ASB16: variants seen among roughly 807,000 people sequenced by gnomAD.
The protein encoded by ASB16 is ankyrin repeat and SOCS box containing 16, also known as ankyrin repeat and SOCS box protein 16.
A neutral mutation model predicts 39.1 loss-of-function variants in ASB16; 44 were observed. That is an observed-to-expected ratio of 1.13 (90% CI 0.88 to 1.45). The LOEUF is 1.45. Among genes scored for constraint, ASB16 ranks in the 40% most tolerant of loss-of-function variants. The probability of loss-of-function intolerance (pLI) is 0.00; values close to 1 mark genes in which losing one functional copy is unlikely to be tolerated. For synonymous variants in ASB16, 305 were observed against 286.7 expected (o/e 1.06, Z -0.64); for missense variants, 698 against 634.5 (o/e 1.10, Z -1.07).
At chr17:44,177,947 T>A (rs2054324430) in intron 4 of ASB16, 1 of 685,050 alleles carries the variant, frequency 1.5e-6, no homozygotes. Flanking sequence ...GACATTTATC[T>A]GGCATCTCTT....
Position 44,178,214 on chromosome 17 carries a change from G to A in ASB16, c.1186G>A (p.Ala396Thr), listed in dbSNP as rs1419238332. 2 of 1,613,052 alleles carry A rather than the reference G, an allele frequency of 1.2e-6. No homozygotes were observed. Among genetic ancestry groups the A allele is most frequent in the African/African-American group, 1.3e-5 (1 of 74,908 alleles). The change falls in exon 5 of 5, where the codon GCC (alanine) becomes ACC (threonine). Residue 396 changes from alanine (A) to threonine (T), a missense_variant. Coordinates refer to ENST00000293414, the MANE Select transcript of ASB16 (RefSeq NM_080863.5). ...TTCACTCCTGGCCTAGGAGCACGAA[G>A]CCTTCTACAGCTCGGCCCTGTGCAT... ...VLPELWKEHE[A>T]FYSSALCMVN...
intron 4 of ASB16, 91 bp from the exon 5 acceptor site, chr17:44,178,114 T>G: frequency 7.4e-7 from 1 of 1,358,578 alleles, no homozygotes; most frequent in South Asian, 1.2e-5. Context: ...CCCAGGTGGG[T>G]GCATGCTGCA....
At chr17:44,178,171 A>T in intron 4 of ASB16, 34 bp from the exon 5 acceptor site, 1 of 1,609,316 alleles carries the variant, frequency 6.2e-7, no homozygotes, top group Non-Finnish European at 8.5e-7. Flanking sequence ...TGGTAGGGCA[A>T]GGGTCATCTG....
chr17:44,176,891 C>T lies in ASB16; in HGVS notation c.723C>T (p.Ser241=), dbSNP rs756399961. Residue 241 remains serine (S), a synonymous_variant, in exon 3 of 5, where the codon AGC becomes AGT. Transcript: ENST00000293414. ...GCGCCGACGTGGGCCTGCGCACCAG[C>T]CAGGGCGAGACTGCGCTGAACACGG... The part of the protein sequence containing the change: ...EHGADVGLRT[S]QGETALNTAC... The T allele has an allele frequency of 8.1e-6, 13 of 1,600,638 alleles. No homozygotes were observed. The East Asian group carries it at 2.7e-4, about 33-fold the overall frequency.
chr17:44,171,731 A>G (rs1373539308), intron 1 of ASB16, among the ~76,000 whole-genome samples: 1 of 152,044 alleles, frequency 6.6e-6, no homozygotes, highest in Admixed American at 6.5e-5. Context: ...TAGCCATTCA[A>G]AGACGCTGAG....
Position 44,178,418 on chromosome 17 carries a change from G to A in ASB16, c.*28G>A. Reference sequence around the variant, plus strand: ...CCCATGTCAGGCTGTCCCATGGTGTGTTCTGCCCCTCCCACCTGTCCCCGC... The same window carrying A: ...CCCATGTCAGGCTGTCCCATGGTGTATTCTGCCCCTCCCACCTGTCCCCGC... On this transcript the variant is annotated 3_prime_UTR_variant, in exon 5 of 5. Coordinates refer to ENST00000293414, the MANE Select transcript of ASB16 (RefSeq NM_080863.5). The A allele has an allele frequency of 6.5e-7, 1 of 1,541,228 alleles. No individual in the cohort carries two copies. The highest frequency in any genetic ancestry group is 1.9e-4 in the Middle Eastern group (1 of 5,288).
rs761822707 is a variant in ASB16 at position 44,176,874 on chromosome 17, G to A, written c.706G>A (p.Val236Met). Residue 236 changes from valine to methionine, a missense_variant, in exon 3 of 5, where the codon GTG (valine) becomes ATG (methionine). Val to Met is a conservative substitution (Grantham distance 21, BLOSUM62 1). Coordinates refer to ENST00000293414, the MANE Select transcript of ASB16 (RefSeq NM_080863.5). ...VALYLEHGAD[V>M]GLRTSQGETA... The stretch of plus-strand genomic sequence containing the variant: ...TCTGTACCTGGAGCATGGCGCCGAC[G>A]TGGGCCTGCGCACCAGCCAGGGCGA... The A allele has an allele frequency of 2.2e-5, 36 of 1,605,690 alleles. No individual in the cohort carries two copies. Among genetic ancestry groups the A allele is most frequent in the Admixed American group, 3.4e-5 (2 of 59,574 alleles).
At position 44,177,050 on chromosome 17, in the gene ASB16, C is replaced by T. The variant is rs528022197; in HGVS notation, c.882C>T (p.Asn294=). ...CGCCGCTGCACAACGCTTGTGCCAA[C>T]GGCTGCGGGGGCCTGGCCGAGCTGC... ...RHTPLHNACA[N]GCGGLAELLL... Residue 294 remains asparagine, a synonymous_variant, in exon 3 of 5, where the codon AAC becomes AAT. Transcript: ENST00000293414. 6.7e-4 allele frequency: 982 copies of T among 1,475,998 alleles called. No homozygotes were observed. The highest frequency in any genetic ancestry group is 8.3e-4 in the Non-Finnish European group (934 of 1,127,058). The allele number at this position is 1,475,998 out of a possible 1,614,324, so 91.4% of individuals were successfully genotyped here. A position where few individuals can be genotyped will look rare whatever the true frequency, so the allele number is the denominator to read the frequency against.
Position 44,170,710 on chromosome 17 carries a change from C to T in ASB16, c.-80C>T, listed in dbSNP as rs1391530953. The T allele has an allele frequency of 1.1e-5, 16 of 1,462,378 alleles. No individual in the cohort carries two copies. The South Asian group carries it at 1.4e-4, about 12-fold the overall frequency. The allele number at this position is 1,462,378 out of a possible 1,614,324, so 90.6% of individuals were successfully genotyped here. A position where few individuals can be genotyped will look rare whatever the true frequency, so the allele number is the denominator to read the frequency against. ...TCACGGTGGCGGGGGCAGGGTGGCT[C>T]CTCAGAGCAAGGGAGGTAGTCGGGT... On this transcript the variant is annotated 5_prime_UTR_variant, in exon 1 of 5. Coordinates refer to ENST00000293414, the MANE Select transcript of ASB16 (RefSeq NM_080863.5).
chr17:44,176,989 G>C lies in ASB16; in HGVS notation c.821G>C (p.Gly274Ala). 6.7e-7 allele frequency: 1 copy of C among 1,491,568 alleles called. No individual in the cohort carries two copies. The highest frequency in any genetic ancestry group is 8.8e-7 in the Non-Finnish European group (1 of 1,132,834). The allele number at this position is 1,491,568 out of a possible 1,614,324, so 92.4% of individuals were successfully genotyped here. ...GCGGCGCGCCGGCTCCTGGAGGCTG[G>C]AGCTGATGCCCGGGCGGCCGGGCGC... ...QAAARRLLEA[G>A]ADARAAGRKR... is the part of the protein sequence containing the mutation. Residue 274 changes from glycine to alanine, a missense_variant, in exon 3 of 5, where the codon GGA becomes GCA. Physicochemically the swap from Gly to Ala is moderately conservative, Grantham distance 60 (BLOSUM62 0). Coordinates refer to ENST00000293414, the MANE Select transcript of ASB16 (RefSeq NM_080863.5).
At chr17:44,176,660 G>A (rs1393550266) in intron 2 of ASB16, 78 bp from the exon 3 acceptor site, 1 of 1,608,460 alleles carries the variant, frequency 6.2e-7, no homozygotes. Context: ...GGGTGGAAAG[G>A]CAAGGGAGTG....
At position 44,176,842 on chromosome 17, in the gene ASB16, A is replaced by C. The variant is rs778556236; in HGVS notation, c.674A>C (p.His225Pro). ...HVAAARGLEQ[H>P]VALYLEHGAD... ...GCGGCGGCGCGCGGCCTGGAGCAACATGTGGCTCTGTACCTGGAGCATGGC... is the reference window on the plus strand; with the variant it reads ...GCGGCGGCGCGCGGCCTGGAGCAACCTGTGGCTCTGTACCTGGAGCATGGC... Residue 225 changes from histidine to proline, a missense_variant, in exon 3 of 5, where the codon CAT becomes CCT. Transcript: ENST00000293414. 43 of 1,611,756 alleles carry C rather than the reference A, an allele frequency of 2.7e-5. No homozygotes were observed. The highest frequency in any genetic ancestry group is 3.3e-5 in the Non-Finnish European group (39 of 1,179,102).
chr17:44,176,671 T>C, intron 2 of ASB16, 67 bp from the exon 3 acceptor site: 1 of 1,612,286 alleles, frequency 6.2e-7, no homozygotes, highest in East Asian at 2.2e-5. Context: ...CAAGGGAGTG[T>C]CACAGCAAGC....
chr17:44,176,890 G>C lies in ASB16; in HGVS notation c.722G>C (p.Ser241Thr), dbSNP rs1413099008. 1 of 1,600,378 alleles carries C rather than the reference G, an allele frequency of 6.2e-7. No homozygotes were observed. Among genetic ancestry groups the C allele is most frequent in the Non-Finnish European group, 8.5e-7 (1 of 1,176,586 alleles). ...GGCGCCGACGTGGGCCTGCGCACCA[G>C]CCAGGGCGAGACTGCGCTGAACACG... Reference protein sequence around the residue: ...EHGADVGLRTSQGETALNTAC... With the variant: ...EHGADVGLRTTQGETALNTAC... Residue 241 changes from serine (S) to threonine (T), a missense_variant, in exon 3 of 5, where the codon AGC (serine) becomes ACC (threonine). By Grantham distance (58) the Ser-to-Thr change is moderately conservative. Coordinates refer to ENST00000293414, the MANE Select transcript of ASB16 (RefSeq NM_080863.5).
In ASB16 at chr17:44,177,237, T is replaced by C. The variant is rs1018698280; in HGVS notation, c.1062+7T>C. ...GCAGCCAGTGCGCCCTGAGGTGCGCTGGGAGGCCCTGACATAGGAGGCTCC... is the reference window on the plus strand; with the variant it reads ...GCAGCCAGTGCGCCCTGAGGTGCGCCGGGAGGCCCTGACATAGGAGGCTCC... On this transcript the variant is annotated splice_region_variant and intron_variant, in intron 3 of 4. Transcript: ENST00000293414. 6 of 1,530,578 alleles carry C rather than the reference T, an allele frequency of 3.9e-6. No individual in the cohort carries two copies. The African/African-American group carries it at 5.5e-5, about 14-fold the overall frequency. The allele number at this position is 1,530,578 out of a possible 1,614,324, so 94.8% of individuals were successfully genotyped here. A position where few individuals can be genotyped will look rare whatever the true frequency, so the allele number is the denominator to read the frequency against.
Position 44,176,994 on chromosome 17 carries a change from G to A in ASB16, c.826G>A (p.Asp276Asn), listed in dbSNP as rs1291731107. The A allele has an allele frequency of 2.7e-6, 4 of 1,490,348 alleles. No homozygotes were observed. In the Admixed American group the frequency reaches 7.3e-5, roughly 27 times the overall value. 92.3% of individuals were successfully genotyped at this position (1,490,348 alleles called of 1,614,324 possible). A position where few individuals can be genotyped will look rare whatever the true frequency, so the allele number is the denominator to read the frequency against. Reference protein sequence around the residue: ...AARRLLEAGADARAAGRKRHT... With the variant: ...AARRLLEAGANARAAGRKRHT... ...GCGCCGGCTCCTGGAGGCTGGAGCTGATGCCCGGGCGGCCGGGCGCAAGCG... is the reference window on the plus strand; with the variant it reads ...GCGCCGGCTCCTGGAGGCTGGAGCTAATGCCCGGGCGGCCGGGCGCAAGCG... The change falls in exon 3 of 5, where the codon GAT becomes AAT. Residue 276 changes from aspartate to asparagine, a missense_variant. By Grantham distance (23) the Asp-to-Asn change is conservative. Transcript: ENST00000293414.
rs375260670 is a variant in ASB16, at chr17:44,177,212, G to A, written c.1044G>A (p.Ala348=). 75 of 1,540,764 alleles carry A rather than the reference G, an allele frequency of 4.9e-5. No homozygotes were observed. Among genetic ancestry groups the A allele is most frequent in the Non-Finnish European group, 6.3e-5 (72 of 1,143,928 alleles). Residue 348 remains alanine (A), a synonymous_variant, in exon 3 of 5, where the codon GCG becomes GCA. Transcript: ENST00000293414. The part of the protein sequence containing the change: ...VLFAALLDYG[A]QPVRPEMLKH... ...TCGCCGCACTGCTGGACTACGGGGCGCAGCCAGTGCGCCCTGAGGTGCGCT... is the reference window on the plus strand; with the variant it reads ...TCGCCGCACTGCTGGACTACGGGGCACAGCCAGTGCGCCCTGAGGTGCGCT...
chr17:44,173,007 C>A (rs2054254865), intron 2 of ASB16, among the ~76,000 whole-genome samples: 1 of 143,792 alleles, frequency 7.0e-6, no homozygotes, highest in African/African-American at 2.6e-5. Flanking sequence ...GGTCGAGGCA[C>A]AAGAATCGCT....
chr17:44,175,705 T>C (rs189601098), intron 2 of ASB16, among the ~76,000 whole-genome samples: 1 of 152,368 alleles, frequency 6.6e-6, no homozygotes, highest in East Asian at 1.9e-4. Flanking sequence ...TTAATTTAGT[T>C]TGTTGCATGT....
Sources: allele counts gnomAD v4.1 joint callset (sites outside exome capture counted in the v4.1 genomes callset), GRCh38; gene constraint gnomAD v4.1.1; transcripts MANE v1.5; gene names NCBI Gene and HGNC (gene_info 2026-07-23, HGNC 2026-07-21).